SUGCT: variants seen among roughly 807,000 people sequenced by gnomAD.
The protein encoded by SUGCT is succinyl-CoA:glutarate CoA-transferase.
In SUGCT, 41 loss-of-function variants were observed where a neutral mutation model predicts 55.0. The observed-to-expected ratio is 0.74, with a 90% CI of 0.58 to 0.97. SUGCT has a LOEUF of 0.97. Among genes scored for constraint, SUGCT ranks in the 50% least tolerant of loss-of-function variants. The pLI is 0.00. For missense variants in SUGCT, 568 were observed against 547.8 expected, an observed-to-expected ratio of 1.04 and a Z score of -0.37; for synonymous variants, 187 against 200.4, an observed-to-expected ratio of 0.93 and a Z score of 0.56.
chr7:40,206,290 T>C (rs1786971084), intron 6 of SUGCT, among the ~76,000 whole-genome samples: 1 of 152,202 alleles, frequency 6.6e-6, no homozygotes, highest in African/African-American at 2.4e-5. Context: ...TGTCAGATAG[T>C]GTTTAGATAG....
chr7:40,920,953 A>T, the SUGCT span, among the ~76,000 whole-genome samples: 1 of 152,202 alleles, frequency 6.6e-6, no homozygotes, highest in Non-Finnish European at 1.5e-5. Flanking sequence ...CATTGCTGTG[A>T]TTAGTATTCC....
At chr7:40,565,020 C>T (rs1161271363) in intron 12 of SUGCT, among the ~76,000 whole-genome samples, 5 of 152,204 alleles carry the variant, frequency 3.3e-5, no homozygotes, top group African/African-American at 1.2e-4. Context: ...TAACCACATC[C>T]TTCAACTAGA....
the SUGCT span, among the ~76,000 whole-genome samples, chr7:40,881,447 C>T: frequency 2.6e-5 from 4 of 152,224 alleles, no homozygotes; most frequent in Non-Finnish European, 5.9e-5. Flanking sequence ...AAGTTGAGCC[C>T]CCTGCCTTCT....
chr7:40,734,023 A>G (rs1215252140), intron 12 of SUGCT, among the ~76,000 whole-genome samples: 1 of 152,224 alleles, frequency 6.6e-6, no homozygotes, highest in African/African-American at 2.4e-5. Context: ...TACTAAGGGA[A>G]AGCTTTGCTA....
chr7:40,755,423 A>G (rs889906775), intron 13 of SUGCT, among the ~76,000 whole-genome samples: 3 of 152,256 alleles, frequency 2.0e-5, no homozygotes, highest in Non-Finnish European at 2.9e-5. Flanking sequence ...CATTTCTGCG[A>G]CAGGAGATGG....
the SUGCT span, among the ~76,000 whole-genome samples, chr7:40,916,547 T>C: frequency 6.6e-6 from 1 of 152,242 alleles, no homozygotes; most frequent in Non-Finnish European, 1.5e-5. Context: ...TGAATCCTGA[T>C]AACATCATGT....
intron 8 of SUGCT, among the ~76,000 whole-genome samples, chr7:40,278,840 T>TA (rs1484986479): frequency 0.013 from 553 of 41,974 alleles, 3 homozygotes; most frequent in African/African-American, 0.048. Context: ...TTTTTTTTTT[T>TA]TAAAGAGATA....
At chr7:40,257,012 G>A (rs1281656111) in intron 7 of SUGCT, among the ~76,000 whole-genome samples, 2 of 151,902 alleles carry the variant, frequency 1.3e-5, no homozygotes, top group Non-Finnish European at 2.9e-5. Flanking sequence ...CTAAAGTGCT[G>A]GGATTATAGG....
At chr7:40,202,887 T>G (rs746078331) in intron 6 of SUGCT, among the ~76,000 whole-genome samples, 6 of 152,250 alleles carry the variant, frequency 3.9e-5, no homozygotes, top group Admixed American at 6.5e-5. Context: ...TGGGGAAAAA[T>G]CCTCCCTCCT....
the SUGCT span, among the ~76,000 whole-genome samples, chr7:41,023,464 T>C: frequency 1.3e-5 from 2 of 151,758 alleles, no homozygotes; most frequent in Non-Finnish European, 2.9e-5. Flanking sequence ...AATAAAAATA[T>C]AGAAATAAAG....
At chr7:40,320,842 A>G (rs1272341961) in intron 9 of SUGCT, among the ~76,000 whole-genome samples, 1 of 152,190 alleles carries the variant, frequency 6.6e-6, no homozygotes, top group Non-Finnish European at 1.5e-5. Flanking sequence ...GTTACATGCA[A>G]ATATTATGTA....
At chr7:40,573,465 AT>A (rs1324918488) in intron 12 of SUGCT, among the ~76,000 whole-genome samples, 1 of 151,964 alleles carries the variant, frequency 6.6e-6, no homozygotes, top group Non-Finnish European at 1.5e-5. Flanking sequence ...AATCCAGTCT[AT>A]TTTTCCCCTA....
At chr7:40,192,715 T>G (rs943995979) in intron 5 of SUGCT, among the ~76,000 whole-genome samples, 5 of 146,906 alleles carry the variant, frequency 3.4e-5, no homozygotes, top group African/African-American at 1.3e-4. Context: ...CACTCCAACC[T>G]CTGCCTTCTG....
Position 40,256,439 on chromosome 7 carries a change from C to A in SUGCT, c.577-18074C>A, listed in dbSNP as rs147995970. Among the ~76,000 whole-genome samples the A allele has an allele frequency of 7.2e-4, 110 of 152,236 alleles. No homozygotes were observed. In the East Asian group the frequency reaches 0.016, roughly 23 times the overall value. On this transcript the variant is annotated intron_variant, in intron 7 of 13. Transcript: ENST00000335693. ...TGATTTATAGGTATCTTTTGGTTAC[C>A]TATAAATAGTGCTGTTGCTGGTCGA...
chr7:41,018,751 C>T, the SUGCT span, among the ~76,000 whole-genome samples: 4,114 of 152,206 alleles, frequency 0.027, 199 homozygotes, highest in South Asian at 0.2. Flanking sequence ...ATTGATTGCT[C>T]GGTACTGCAT....
At chr7:40,775,142 G>A (rs1789388336) in intron 13 of SUGCT, among the ~76,000 whole-genome samples, 1 of 152,092 alleles carries the variant, frequency 6.6e-6, no homozygotes, top group African/African-American at 2.4e-5. Context: ...AGAGTTGCTT[G>A]AACATCTCTG....
At chr7:40,262,921 G>T (rs1444403696) in intron 7 of SUGCT, among the ~76,000 whole-genome samples, 1 of 152,086 alleles carries the variant, frequency 6.6e-6, no homozygotes, top group Non-Finnish European at 1.5e-5. Context: ...TTAATTTATT[G>T]TCTAAATATT....
intron 13 of SUGCT, among the ~76,000 whole-genome samples, chr7:40,771,463 C>A (rs1322360715): frequency 6.6e-6 from 1 of 151,954 alleles, no homozygotes; most frequent in African/African-American, 2.4e-5. Context: ...TGTAATGTAT[C>A]TTAACAATGC....
At chr7:40,750,378 A>T (rs959255685) in intron 13 of SUGCT, among the ~76,000 whole-genome samples, 3 of 151,652 alleles carry the variant, frequency 2.0e-5, no homozygotes, top group African/African-American at 7.3e-5. Context: ...TTTTCTTCTG[A>T]TGGAGGTCAG....
Sources: allele counts gnomAD v4.1 joint callset (sites outside exome capture counted in the v4.1 genomes callset), GRCh38; gene constraint gnomAD v4.1.1; transcripts MANE v1.5; gene names NCBI Gene and HGNC (gene_info 2026-07-23, HGNC 2026-07-21).